The following NLRP14 variants were observed in gnomAD, a reference collection of about 807,000 sequenced individuals.
NLRP14 encodes NLR family pyrin domain containing 14, also known as NACHT, LRR and PYD domains-containing protein 14.
Under a neutral mutation model 94.7 loss-of-function variants are expected in NLRP14, and 105 were observed. The observed-to-expected ratio is 1.11, with a 90% CI of 0.95 to 1.30. The LOEUF is 1.30. NLRP14 is among the 50% of genes most tolerant of loss of function. The pLI, the probability that NLRP14 is intolerant of heterozygous loss-of-function variation, is 0.00. For missense variants in NLRP14, 1,362 were observed against 1,254.1 expected, an observed-to-expected ratio of 1.09 and a Z score of -1.30; for synonymous variants, 508 against 459.9, an observed-to-expected ratio of 1.10 and a Z score of -1.34.
chr11:7,088,064 T>A, the NLRP14 span, among the ~76,000 whole-genome samples: 1 of 152,134 alleles, frequency 6.6e-6, no homozygotes, highest in Non-Finnish European at 1.5e-5. Context: ...GTTTGGCAAT[T>A]CTATCAAATA....
intron 6 of NLRP14, among the ~76,000 whole-genome samples, chr11:7,053,469 TTATATA>T (rs36002808): frequency 6.8e-6 from 1 of 146,922 alleles, no homozygotes; most frequent in African/African-American, 2.5e-5. Flanking sequence ...ATGATTTAAA[TTATATA>T]TATATATATA....
chr11:7,059,206 TA>T (rs1852571647), intron 8 of NLRP14, among the ~76,000 whole-genome samples: 1 of 150,372 alleles, frequency 6.7e-6, no homozygotes, highest in Non-Finnish European at 1.5e-5. Context: ...CATATATTAT[TA>T]TTTTTTATAT....
intron 1 of NLRP14, among the ~76,000 whole-genome samples, chr11:7,022,608 C>A (rs1403775137): frequency 6.6e-6 from 1 of 152,078 alleles, no homozygotes; most frequent in Non-Finnish European, 1.5e-5. Context: ...TAGCAGAATT[C>A]TTAAGATGAA....
chr11:7,056,012 C>A (rs565200903), intron 6 of NLRP14, among the ~76,000 whole-genome samples: 1 of 152,032 alleles, frequency 6.6e-6, no homozygotes, highest in East Asian at 1.9e-4. Flanking sequence ...AGCCATAATC[C>A]TCAGCTTTTG....
intron 3 of NLRP14, 45 bp from the exon 4 acceptor site, chr11:7,042,343 A>C: frequency 6.6e-7 from 1 of 1,524,000 alleles, no homozygotes; most frequent in Non-Finnish European, 9.1e-7. Context: ...TGTTTTGATC[A>C]TGTGTCTTTG....
intron 5 of NLRP14, among the ~76,000 whole-genome samples, chr11:7,048,162 T>C (rs1457050425): frequency 6.6e-6 from 1 of 152,254 alleles, no homozygotes; most frequent in Non-Finnish European, 1.5e-5. Context: ...TTCCATTGTA[T>C]AACTATACTT....
intron 1 of NLRP14, among the ~76,000 whole-genome samples, chr11:7,022,154 G>A (rs888626562): frequency 1.3e-5 from 2 of 152,120 alleles, no homozygotes; most frequent in Non-Finnish European, 2.9e-5. Flanking sequence ...ATCTGCCTCC[G>A]TCCACCACAC....
intron 6 of NLRP14, among the ~76,000 whole-genome samples, chr11:7,052,943 T>A (rs1353684945): frequency 6.6e-6 from 1 of 152,210 alleles, no homozygotes; most frequent in Admixed American, 6.5e-5. Flanking sequence ...CTACCAGTCC[T>A]CTTCTCCATT....
intron 4 of NLRP14, among the ~76,000 whole-genome samples, chr11:7,045,535 C>T (rs1161318633): frequency 2.0e-5 from 3 of 152,008 alleles, no homozygotes; most frequent in African/African-American, 7.2e-5. Flanking sequence ...TATGGTTCAC[C>T]ATTTTATCTC....
the NLRP14 span, chr11:7,090,318 C>T: frequency 4.5e-6 from 7 of 1,571,440 alleles, no homozygotes; most frequent in Admixed American, 1.3e-4. Context: ...AGACTTGGGA[C>T]CAAAAATCCC....
intron 3 of NLRP14, among the ~76,000 whole-genome samples, chr11:7,041,949 G>T (rs1377615667): frequency 6.6e-6 from 1 of 150,496 alleles, no homozygotes; most frequent in East Asian, 1.9e-4. Context: ...CTTGTACAAA[G>T]AAAATTATTT....
chr11:7,088,836 T>C, the NLRP14 span, among the ~76,000 whole-genome samples: 3 of 152,234 alleles, frequency 2.0e-5, no homozygotes, highest in African/African-American at 4.8e-5. Context: ...CAGGAGGCCA[T>C]TGAAGCCGTT....
Position 7,043,264 on chromosome 11 carries a change from G to C in NLRP14, c.1238G>C (p.Gly413Ala). 6.2e-7 allele frequency: 1 copy of C among 1,614,168 alleles called. No homozygotes were observed. Among genetic ancestry groups the C allele is most frequent in the Non-Finnish European group, 8.5e-7 (1 of 1,180,032 alleles). ...TCTAGCTTGTTCACACCAGTAGATG[G>C]AGGCTCTCCTAGTCTACCCAACCAA... ...YISSLFTPVD[G>A]GSPSLPNQAQ... Residue 413 changes from glycine (G) to alanine (A), a missense_variant, in exon 4 of 12, where the codon GGA becomes GCA. Transcript: ENST00000299481.
chr11:7,042,671 T>C lies in NLRP14; in HGVS notation c.645T>C (p.Tyr215=), dbSNP rs768739286. 3 of 1,614,138 alleles carry C rather than the reference T, an allele frequency of 1.9e-6. No individual in the cohort carries two copies. Among genetic ancestry groups the C allele is most frequent in the Non-Finnish European group, 2.5e-6 (3 of 1,180,054 alleles). Residue 215 remains tyrosine (Y), a synonymous_variant, in exon 4 of 12, where the codon TAT becomes TAC. Coordinates refer to ENST00000299481, the MANE Select transcript of NLRP14 (RefSeq NM_176822.4). ...LYQQRFKYVF[Y]LNGREINQLK... The stretch of plus-strand genomic sequence containing the variant: ...AGCAGAGGTTTAAGTATGTTTTTTA[T>C]CTCAATGGGAGAGAAATTAACCAGC...
At chr11:7,057,401 ATAT>A (rs995812485) in intron 6 of NLRP14, among the ~76,000 whole-genome samples, 2 of 152,068 alleles carry the variant, frequency 1.3e-5, no homozygotes, top group Non-Finnish European at 2.9e-5. Flanking sequence ...AGACTAAAAA[ATAT>A]TATCATTTAA....
intron 1 of NLRP14, among the ~76,000 whole-genome samples, chr11:7,026,504 A>C (rs527475660): frequency 1.4e-3 from 212 of 152,062 alleles, no homozygotes; most frequent in African/African-American, 4.0e-3. Flanking sequence ...AGTCAGGAAA[A>C]AACAGGTGCT....
rs765006094 is a variant in NLRP14, at chr11:7,038,548, T to C, written c.-21-18T>C. On this transcript the variant is annotated intron_variant, in intron 1 of 11. Transcript: ENST00000299481. ...CATTTATTCCATGTGCTTTTGGTTA[T>C]TTTTTTTCCCCCCACAGAGGCCTGA... The C allele has an allele frequency of 4.5e-6, 7 of 1,561,278 alleles. No individual in the cohort carries two copies. The highest frequency in any genetic ancestry group is 2.7e-5 in the African/African-American group (2 of 73,664).
chr11:7,081,698 G>C, the NLRP14 span, among the ~76,000 whole-genome samples: 1 of 152,198 alleles, frequency 6.6e-6, no homozygotes, highest in African/African-American at 2.4e-5. Context: ...AAGGAAGGGG[G>C]AAAAGTGTAC....
At position 7,028,861 on chromosome 11, in the gene NLRP14, A is replaced by G. The variant is rs368686266; in HGVS notation, c.-22+8091A>G. On this transcript the variant is annotated intron_variant, in intron 1 of 11. Transcript: ENST00000299481. ...AAAAATGAATGAAATAAAAATCTTT[A>G]TCTTTTATGGATCCATTCTCTAGGT... Among the ~76,000 whole-genome samples, 540 of 152,282 alleles carry G rather than the reference A, an allele frequency of 3.5e-3. 5 individuals are homozygous for G. Among genetic ancestry groups the G allele is most frequent in the African/African-American group, 9.5e-3 (396 of 41,568 alleles).
Sources: allele counts gnomAD v4.1 joint callset (sites outside exome capture counted in the v4.1 genomes callset), GRCh38; gene constraint gnomAD v4.1.1; transcripts MANE v1.5; gene names NCBI Gene and HGNC (gene_info 2026-07-23, HGNC 2026-07-21).